FUS: variants seen among roughly 807,000 people sequenced by gnomAD.
FUS encodes FUS RNA binding protein.
A neutral mutation model predicts 82.7 loss-of-function variants in FUS; 5 were observed. The ratio of observed to expected loss-of-function variants is 0.06; its 90% CI spans 0.03 to 0.13. The LOEUF (loss-of-function observed/expected upper bound fraction) is 0.13. FUS is among the 10% of genes least tolerant of loss of function. The pLI is 1.00. For synonymous variants in FUS, 281 were observed against 247.4 expected (o/e 1.14, Z -1.27); for missense variants, 512 against 707.8 (o/e 0.72, Z 3.14).
intron 8 of FUS, 99 bp downstream of exon 8, chr16:31,188,456 T>C (rs978922046): frequency 7.6e-7 from 1 of 1,307,214 alleles, no homozygotes; most frequent in Admixed American, 1.7e-5. Context: ...CTGAAAAAAA[T>C]GGGGATAGAG....
chr16:31,188,403 C>T (rs201544187), intron 8 of FUS, 46 bp downstream of exon 8: 4 of 1,592,482 alleles, frequency 2.5e-6, no homozygotes, highest in Non-Finnish European at 2.6e-6. Flanking sequence ...AAAGTGGTAT[C>T]AAGACTGCCT....
At chr16:31,183,135 C>T (rs2079206572) in intron 3 of FUS, 1 of 217,468 alleles carries the variant, frequency 4.6e-6, no homozygotes, top group East Asian at 1.2e-4. Context: ...TTGTGGCACA[C>T]CTGTAGTCCC....
At chr16:31,183,552 A>G (rs376618550) in intron 3 of FUS, 1 of 418,076 alleles carries the variant, frequency 2.4e-6, no homozygotes, top group Admixed American at 3.5e-5. Context: ...TAGATACTGC[A>G]CGCACAGCTG....
chr16:31,181,203 A>G (rs764266007), intron 1 of FUS, among the ~76,000 whole-genome samples: 3 of 152,190 alleles, frequency 2.0e-5, no homozygotes, highest in Admixed American at 1.3e-4. Flanking sequence ...ACGTAAGCCA[A>G]CCACGCCTGG....
At chr16:31,182,222 C>T (rs371623844) in intron 1 of FUS, 176 bp from the exon 2 acceptor site, 24 of 722,494 alleles carry the variant, frequency 3.3e-5, no homozygotes, top group African/African-American at 3.2e-4. Context: ...AATTCCTGAC[C>T]TCAAGTGATC....
chr16:31,182,707 A>G (rs1223538038), intron 3 of FUS, 43 bp downstream of exon 3: 6 of 1,612,838 alleles, frequency 3.7e-6, no homozygotes, highest in Non-Finnish European at 5.1e-6. Context: ...CTCTTTCTGA[A>G]TATTGCTTTT....
At chr16:31,185,321 C>T in intron 6 of FUS, 142 bp downstream of exon 6, 8 of 1,067,298 alleles carry the variant, frequency 7.5e-6, no homozygotes, top group Non-Finnish European at 9.3e-6. Context: ...GGGGCAGTGA[C>T]TTTCTTTTTA....
chr16:31,180,598 C>T (rs943993262), intron 1 of FUS, among the ~76,000 whole-genome samples: 1 of 152,254 alleles, frequency 6.6e-6, no homozygotes, highest in Non-Finnish European at 1.5e-5. Context: ...TGCATCCGGG[C>T]ACTCGCGGCG....
At chr16:31,191,678 G>T (rs1332407595), downstream of FUS, 2 of 691,972 alleles carry the variant, frequency 2.9e-6, no homozygotes, top group African/African-American at 3.5e-5. Flanking sequence ...GAGTTTTCCT[G>T]TTCAGATTAC....
At chr16:31,189,901 T>A in intron 10 of FUS, 107 bp downstream of exon 10, 1 of 1,595,314 alleles carries the variant, frequency 6.3e-7, no homozygotes, top group Non-Finnish European at 8.6e-7. Flanking sequence ...ACACTTACTT[T>A]AGCTGCGGTT....
chr16:31,185,958 G>C (rs2079263156), intron 6 of FUS: 2 of 236,170 alleles, frequency 8.5e-6, no homozygotes, highest in African/African-American at 4.4e-5. Context: ...TGTCTCCCTT[G>C]AAAAAGGGGA....
intron 7 of FUS, chr16:31,187,747 T>A (rs1383543257): frequency 4.2e-6 from 1 of 235,302 alleles, no homozygotes; most frequent in Admixed American, 5.5e-5. Flanking sequence ...AAATAAGATT[T>A]CTGGTCTGTT....
chr16:31,192,600 A>T (rs1166585058), downstream of FUS: 5 of 490,422 alleles, frequency 1.0e-5, no homozygotes, highest in Non-Finnish European at 1.6e-5. Context: ...TTGCTCTGTC[A>T]TCCAGGCTGG....
intron 11 of FUS, 38 bp from the exon 12 acceptor site, chr16:31,190,237 G>T: frequency 6.2e-7 from 1 of 1,613,974 alleles, no homozygotes; most frequent in Non-Finnish European, 8.5e-7. Context: ...ACCAAACTTG[G>T]AGAGGGAGCA....
At chr16:31,192,643 C>T, downstream of FUS, 1 of 484,370 alleles carries the variant, frequency 2.1e-6, no homozygotes. Flanking sequence ...TCACTGTAGC[C>T]TCTGCCTCCT....
chr16:31,187,842 G>A (rs1012616778), intron 7 of FUS: 5 of 245,116 alleles, frequency 2.0e-5, no homozygotes, highest in Non-Finnish European at 3.2e-5. Flanking sequence ...ACGGTTTTAA[G>A]GATGGTTTCT....
downstream of FUS, chr16:31,194,272 C>T (rs2079395955): frequency 3.8e-6 from 2 of 530,444 alleles, no homozygotes; most frequent in African/African-American, 1.9e-5. Flanking sequence ...GCATGTCTTC[C>T]TTCCAGTCTC....
At chr16:31,185,284 C>CT in intron 6 of FUS, 105 bp downstream of exon 6, 1 of 1,342,876 alleles carries the variant, frequency 7.4e-7, no homozygotes, top group Non-Finnish European at 1.0e-6. Flanking sequence ...TTCTTGTTGT[C>CT]TAGGGATCTG....
At chr16:31,185,735 G>C (rs1163697034) in intron 6 of FUS, 1 of 362,014 alleles carries the variant, frequency 2.8e-6, no homozygotes, top group Admixed American at 3.5e-5. Flanking sequence ...GCTGACTGAA[G>C]TAAGCAGACC....
Sources: gnomAD v4.1 joint callset for allele counts (sites outside exome capture counted in the v4.1 genomes callset) on GRCh38, gnomAD v4.1.1 for gene constraint, MANE v1.5 for transcripts, NCBI Gene and HGNC (gene_info 2026-07-23, HGNC 2026-07-21) for gene names.